Variants in LHFPL4 observed in about 807,000 individuals in gnomAD.
LHFPL4 encodes LHFPL tetraspan subfamily member 4 protein.
In LHFPL4, 6 loss-of-function variants were observed where a neutral mutation model predicts 20.0. The observed-to-expected ratio is 0.30, with a 90% confidence interval of 0.16 to 0.59. The LOEUF (loss-of-function observed/expected upper bound fraction) is 0.59. Among genes scored for constraint, LHFPL4 ranks in the 20% least tolerant of loss-of-function variants. The pLI, the probability that LHFPL4 is intolerant of heterozygous loss-of-function variation, is 0.88. For synonymous variants in LHFPL4, 129 were observed against 143.8 expected, an observed-to-expected ratio of 0.90 and a Z score of 0.74; for missense variants, 215 against 331.2, an observed-to-expected ratio of 0.65 and a Z score of 2.72.
chr3:9,500,204 C>T lies in LHFPL4; in HGVS notation c.*2007G>A, dbSNP rs2046161387. On this transcript the variant is annotated 3_prime_UTR_variant, in exon 4 of 4. Coordinates refer to ENST00000287585, the MANE Select transcript of LHFPL4 (RefSeq NM_198560.3). ...CCCCTCCCCTCACTCTCTCCTAACTCTGCTCTCCCCCTCCAACGCTGGGCT... is the reference window on the plus strand; with the variant it reads ...CCCCTCCCCTCACTCTCTCCTAACTTTGCTCTCCCCCTCCAACGCTGGGCT... 6.6e-6 allele frequency: 1 copy of T among 152,652 alleles called. No individual in the cohort carries two copies. 9.5% of individuals were successfully genotyped at this position (152,652 alleles called of 1,614,324 possible). A position where few individuals can be genotyped will look rare whatever the true frequency, so the allele number is the denominator to read the frequency against.
chr3:9,546,552 T>A (rs1427210391), intron 2 of LHFPL4, among the ~76,000 whole-genome samples: 1 of 152,132 alleles, frequency 6.6e-6, no homozygotes, highest in Non-Finnish European at 1.5e-5. Flanking sequence ...TTCCATGGAA[T>A]GAGGATAGGT....
chr3:9,503,031 G>C (rs2046188855), intron 3 of LHFPL4, among the ~76,000 whole-genome samples: 1 of 151,790 alleles, frequency 6.6e-6, no homozygotes, highest in Non-Finnish European at 1.5e-5. Context: ...ATAGAAACTG[G>C]GTTTTGTTAC....
intron 2 of LHFPL4, among the ~76,000 whole-genome samples, chr3:9,543,228 A>G (rs534697770): frequency 1.4e-4 from 22 of 151,902 alleles, no homozygotes; most frequent in African/African-American, 4.6e-4. Context: ...TCGGCCGGGC[A>G]TGGTGGCTCA....
intron 2 of LHFPL4, among the ~76,000 whole-genome samples, chr3:9,535,768 T>C (rs1037337801): frequency 1.3e-5 from 2 of 151,828 alleles, no homozygotes; most frequent in Admixed American, 1.3e-4. Flanking sequence ...ACAGCTTGCT[T>C]GCTCGCTTGC....
At position 9,500,259 on chromosome 3, in the gene LHFPL4, AC is replaced by A. The variant is rs987084788; in HGVS notation, c.*1951del. 2 of 151,580 alleles carry A rather than the reference AC, an allele frequency of 1.3e-5. No homozygotes were observed. The highest frequency in any genetic ancestry group is 4.9e-5 in the African/African-American group (2 of 41,080). 9.4% of individuals were successfully genotyped at this position (151,580 alleles called of 1,614,324 possible). ...TTGCATCTTTGAGGAACTCCCTCCTACCCCAACTCCCTCCCACGGGGCTCCC... is the reference window on the plus strand; with the variant it reads ...TTGCATCTTTGAGGAACTCCCTCCTACCCAACTCCCTCCCACGGGGCTCCC... On this transcript the variant is annotated 3_prime_UTR_variant, in exon 4 of 4. Transcript: ENST00000287585.
At chr3:9,515,972 C>T (rs1378614050) in intron 2 of LHFPL4, among the ~76,000 whole-genome samples, 2 of 152,172 alleles carry the variant, frequency 1.3e-5, no homozygotes, top group Non-Finnish European at 2.9e-5. Context: ...ACCTCAGCCT[C>T]CCAAAGTGCA....
At chr3:9,543,462 T>C (rs1474640716) in intron 2 of LHFPL4, among the ~76,000 whole-genome samples, 1 of 150,914 alleles carries the variant, frequency 6.6e-6, no homozygotes, top group African/African-American at 2.4e-5. Context: ...ATCGCACCAC[T>C]GCACTCCAGC....
At chr3:9,517,597 A>C (rs1559517176) in intron 2 of LHFPL4, among the ~76,000 whole-genome samples, 1 of 150,842 alleles carries the variant, frequency 6.6e-6, no homozygotes, top group East Asian at 2.0e-4. Flanking sequence ...TCAGGGGGCT[A>C]AGGTGGGAAG....
At position 9,502,168 on chromosome 3, in the gene LHFPL4, C is replaced by G. The variant is rs1176199944; in HGVS notation, c.*43G>C. 1.4e-6 allele frequency: 2 copies of G among 1,418,360 alleles called. No individual in the cohort carries two copies. Among genetic ancestry groups the G allele is most frequent in the Admixed American group, 1.7e-5 (1 of 59,274 alleles). The allele number at this position is 1,418,360 out of a possible 1,614,324, so 87.9% of individuals were successfully genotyped here. On this transcript the variant is annotated 3_prime_UTR_variant, in exon 4 of 4. Coordinates refer to ENST00000287585, the MANE Select transcript of LHFPL4 (RefSeq NM_198560.3). ...AGTGACGAGAGGGCAGAAGGCAGGA[C>G]AAGCTGAGGTCAGGCCAATTACTGG...
At chr3:9,513,988 G>A (rs1396958616) in intron 2 of LHFPL4, among the ~76,000 whole-genome samples, 4 of 152,136 alleles carry the variant, frequency 2.6e-5, no homozygotes, top group African/African-American at 4.8e-5. Context: ...AAGGGTGTTC[G>A]CTGCACCACC....
chr3:9,505,300 A>C, intron 3 of LHFPL4, among the ~76,000 whole-genome samples: 2 of 149,032 alleles, frequency 1.3e-5, no homozygotes, highest in South Asian at 2.1e-4. Context: ...ATAGGCTCTC[A>C]CTCTGTAGTC....
chr3:9,522,052 A>T (rs185383140), intron 2 of LHFPL4, among the ~76,000 whole-genome samples: 20,275 of 152,106 alleles, frequency 0.13, 1,763 homozygotes, highest in Non-Finnish European at 0.19. Context: ...ACTTAAAAAA[A>T]TTTTTAAGTA....
At chr3:9,539,423 C>T (rs1045990166) in intron 2 of LHFPL4, among the ~76,000 whole-genome samples, 4 of 147,448 alleles carry the variant, frequency 2.7e-5, no homozygotes, top group African/African-American at 1.0e-4. Flanking sequence ...CCACTGCACC[C>T]CAGCCTGGGC....
intron 2 of LHFPL4, among the ~76,000 whole-genome samples, chr3:9,514,299 G>A (rs1233235059): frequency 6.6e-6 from 1 of 152,080 alleles, no homozygotes; most frequent in Non-Finnish European, 1.5e-5. Flanking sequence ...AGGCAGTCAA[G>A]GTACAGAATA....
At position 9,529,319 on chromosome 3, in the gene LHFPL4, G is replaced by A. The variant is rs111777824; in HGVS notation, c.406+22955C>T. On this transcript the variant is annotated intron_variant, in intron 2 of 3. Transcript: ENST00000287585. ...TGGGATTACAGATGCGAGCCACCGC[G>A]CCCGGCCATGAATCACCAATGTTCT... Among the ~76,000 whole-genome samples the A allele has an allele frequency of 6.8e-3, 1,042 of 152,230 alleles. 4 individuals are homozygous for A. Among genetic ancestry groups the A allele is most frequent in the Non-Finnish European group, 9.7e-3 (659 of 68,018 alleles).
chr3:9,520,056 TTTC>T lies in LHFPL4; in HGVS notation c.407-13856_407-13854del, dbSNP rs911410169. Among the ~76,000 whole-genome samples the T allele has an allele frequency of 2.4e-4, 36 of 152,296 alleles. 1 individual carries two copies. The highest frequency in any genetic ancestry group is 1.8e-3 in the Admixed American group (28 of 15,300). ...AAGCTTAAATGATTGAGTTTAGATCTTTCTTCTTTTCTAATATATGCATTCTAT... is the reference window on the plus strand; with the variant it reads ...AAGCTTAAATGATTGAGTTTAGATCTTTCTTTTCTAATATATGCATTCTAT... On this transcript the variant is annotated intron_variant, in intron 2 of 3. Transcript: ENST00000287585.
intron 2 of LHFPL4, among the ~76,000 whole-genome samples, chr3:9,512,454 A>G (rs1311355799): frequency 1.3e-5 from 2 of 152,220 alleles, no homozygotes; most frequent in Admixed American, 6.5e-5. Context: ...TTTTCTAGAT[A>G]TTCAAAAAAT....
intron 3 of LHFPL4, among the ~76,000 whole-genome samples, chr3:9,503,244 A>G (rs770062596): frequency 1.3e-5 from 2 of 152,068 alleles, no homozygotes; most frequent in Admixed American, 6.6e-5. Flanking sequence ...GCTCCTTTAC[A>G]TTGATTTTTA....
chr3:9,539,824 TATATA>T (rs1267370053), intron 2 of LHFPL4, among the ~76,000 whole-genome samples: 4 of 151,992 alleles, frequency 2.6e-5, no homozygotes, highest in African/African-American at 9.7e-5. Context: ...TAAAAATATA[TATATA>T]ATATAACAAT....
Sources: gnomAD v4.1 joint callset for allele counts (sites outside exome capture counted in the v4.1 genomes callset) on GRCh38, gnomAD v4.1.1 for gene constraint, MANE v1.5 for transcripts, NCBI Gene and HGNC (gene_info 2026-07-23, HGNC 2026-07-21) for gene names.